Variants in IMMP2L observed in about 807,000 individuals in gnomAD.
The protein encoded by IMMP2L is mitochondrial inner membrane protease subunit 2.
A neutral mutation model predicts 19.3 loss-of-function variants in IMMP2L; 18 were observed. The ratio of observed to expected loss-of-function variants is 0.93; its 90% CI spans 0.64 to 1.38. The LOEUF (loss-of-function observed/expected upper bound fraction) is 1.38, where lower values mean the gene tolerates loss of function less well. Ranked by LOEUF, IMMP2L falls within the 40% of genes most tolerant of loss-of-function variation. The probability of loss-of-function intolerance (pLI) is 0.00; values close to 1 mark genes in which losing one functional copy is unlikely to be tolerated. For missense variants in IMMP2L, 233 were observed against 218.2 expected (o/e 1.07, Z -0.43); for synonymous variants, 76 against 73.0 (o/e 1.04, Z -0.21).
At chr7:111,218,781 T>C (rs1176622710) in intron 3 of IMMP2L, among the ~76,000 whole-genome samples, 1 of 152,064 alleles carries the variant, frequency 6.6e-6, no homozygotes, top group African/African-American at 2.4e-5. Context: ...TGGTTAGAAA[T>C]GACATCAGTG....
intron 5 of IMMP2L, among the ~76,000 whole-genome samples, chr7:110,766,734 C>G (rs1798693000): frequency 6.6e-6 from 1 of 151,698 alleles, no homozygotes; most frequent in African/African-American, 2.4e-5. Context: ...TGAGAATTTA[C>G]ATTTGTCCTA....
At chr7:111,053,064 G>A (rs1793145076) in intron 3 of IMMP2L, among the ~76,000 whole-genome samples, 1 of 152,154 alleles carries the variant, frequency 6.6e-6, no homozygotes, top group East Asian at 1.9e-4. Context: ...TTGACTAAGG[G>A]CCATAACGCA....
At chr7:111,194,899 T>C (rs948389874) in intron 3 of IMMP2L, among the ~76,000 whole-genome samples, 4 of 152,172 alleles carry the variant, frequency 2.6e-5, no homozygotes, top group Non-Finnish European at 4.4e-5. Context: ...CCAGTTTTTT[T>C]GCAATGTATA....
intron 3 of IMMP2L, among the ~76,000 whole-genome samples, chr7:110,967,673 G>C (rs1819692175): frequency 6.6e-6 from 1 of 151,906 alleles, no homozygotes; most frequent in African/African-American, 2.4e-5. Flanking sequence ...TTATTATTGA[G>C]GTGAAAGGAA....
chr7:111,077,558 T>A (rs1007836737), intron 3 of IMMP2L, among the ~76,000 whole-genome samples: 8 of 152,144 alleles, frequency 5.3e-5, no homozygotes, highest in African/African-American at 1.9e-4. Context: ...TCTCTCAACA[T>A]CTCTTCAGCT....
intron 3 of IMMP2L, among the ~76,000 whole-genome samples, chr7:111,308,392 G>A (rs1373233976): frequency 2.0e-5 from 3 of 151,962 alleles, no homozygotes; most frequent in African/African-American, 7.2e-5. Flanking sequence ...GGAATCTGGA[G>A]ATTGAAGACG....
intron 5 of IMMP2L, among the ~76,000 whole-genome samples, chr7:110,668,848 G>A (rs1791643105): frequency 6.6e-6 from 1 of 151,490 alleles, no homozygotes; most frequent in Non-Finnish European, 1.5e-5. Flanking sequence ...TCTTGTCATG[G>A]ATCTTCATTT....
At chr7:110,819,348 C>T (rs1802825156) in intron 5 of IMMP2L, among the ~76,000 whole-genome samples, 1 of 151,900 alleles carries the variant, frequency 6.6e-6, no homozygotes, top group Non-Finnish European at 1.5e-5. Flanking sequence ...CCTTCAAGCC[C>T]AAGCAGTTTC....
In IMMP2L at chr7:111,562,324, C is replaced by CGCCGGG. The variant is rs1349176228; in HGVS notation, c.-482_-477dup. Reference sequence around the variant, plus strand: ...CTCCGCCTCCCGGCAACGCCCGCCCCGCCGGGGCCGGGGCCGACTCCCAGG... The same window carrying CGCCGGG: ...CTCCGCCTCCCGGCAACGCCCGCCCCGCCGGGGCCGGGGCCGGGGCCGACTCCCAGG... On this transcript the variant is annotated 5_prime_UTR_variant, in exon 1 of 6. Transcript: ENST00000405709. 9.2e-5 allele frequency: 14 copies of CGCCGGG among 151,930 alleles called. No homozygotes were observed. The highest frequency in any genetic ancestry group is 5.3e-4 in the Admixed American group (8 of 15,238). 9.4% of individuals were successfully genotyped at this position (151,930 alleles called of 1,614,324 possible).
At chr7:110,971,312 A>AGTCTT (rs1171855765) in intron 3 of IMMP2L, among the ~76,000 whole-genome samples, 2 of 152,156 alleles carry the variant, frequency 1.3e-5, no homozygotes, top group African/African-American at 4.8e-5. Flanking sequence ...GCATAAGGCT[A>AGTCTT]GTCTTGAGCA....
intron 5 of IMMP2L, among the ~76,000 whole-genome samples, chr7:110,664,589 G>C (rs887210464): frequency 6.6e-6 from 1 of 152,092 alleles, no homozygotes; most frequent in South Asian, 2.1e-4. Flanking sequence ...TCGGTGAACA[G>C]GAGAACATAG....
At chr7:111,125,901 C>T (rs995099143) in intron 3 of IMMP2L, among the ~76,000 whole-genome samples, 1 of 148,602 alleles carries the variant, frequency 6.7e-6, no homozygotes. Context: ...AGGCTCACTG[C>T]AGACTCCGCT....
At chr7:111,314,209 G>A (rs1471985051) in intron 3 of IMMP2L, among the ~76,000 whole-genome samples, 1 of 152,088 alleles carries the variant, frequency 6.6e-6, no homozygotes, top group African/African-American at 2.4e-5. Flanking sequence ...CTTCAGGGAA[G>A]TGACTTGGGG....
At chr7:110,943,551 C>T (rs1274633524) in intron 4 of IMMP2L, among the ~76,000 whole-genome samples, 3 of 151,900 alleles carry the variant, frequency 2.0e-5, no homozygotes, top group South Asian at 2.1e-4. Flanking sequence ...TCCATCCCAT[C>T]GTTCCACCAT....
intron 1 of IMMP2L, among the ~76,000 whole-genome samples, chr7:111,542,847 G>C (rs73718212): frequency 6.6e-6 from 1 of 152,044 alleles, no homozygotes; most frequent in African/African-American, 2.4e-5. Flanking sequence ...ATTACTGAAG[G>C]TCCTTATTAT....
At chr7:111,254,589 G>A (rs970047565) in intron 3 of IMMP2L, among the ~76,000 whole-genome samples, 3 of 152,060 alleles carry the variant, frequency 2.0e-5, no homozygotes, top group Non-Finnish European at 2.9e-5. Context: ...TGAACCCAAT[G>A]TATTAACATT....
chr7:110,690,923 C>T (rs1388137575), intron 5 of IMMP2L, among the ~76,000 whole-genome samples: 3 of 151,964 alleles, frequency 2.0e-5, no homozygotes, highest in African/African-American at 7.2e-5. Context: ...TGAATGCAAT[C>T]CACATCAAAA....
intron 3 of IMMP2L, among the ~76,000 whole-genome samples, chr7:111,362,654 T>C (rs1829372433): frequency 6.6e-6 from 1 of 152,106 alleles, no homozygotes; most frequent in South Asian, 2.1e-4. Context: ...CTTAAGTCTG[T>C]TGAAACCGAA....
At chr7:110,957,549 G>A (rs763460255) in intron 4 of IMMP2L, among the ~76,000 whole-genome samples, 25 of 151,786 alleles carry the variant, frequency 1.6e-4, no homozygotes, top group Non-Finnish European at 2.9e-5. Flanking sequence ...TCCATGGCTC[G>A]CCATCCTTCT....
Sources: allele counts gnomAD v4.1 joint callset (sites outside exome capture counted in the v4.1 genomes callset), GRCh38; gene constraint gnomAD v4.1.1; transcripts MANE v1.5; gene names NCBI Gene and HGNC (gene_info 2026-07-23, HGNC 2026-07-21).